PRKCD: variants seen among roughly 807,000 people sequenced by gnomAD.
PRKCD encodes the protein protein kinase C delta.
Under a neutral mutation model 82.2 loss-of-function variants are expected in PRKCD, and 20 were observed. The observed-to-expected ratio is 0.24, with a 90% CI of 0.17 to 0.35. The LOEUF is 0.35. PRKCD is among the 10% of genes least tolerant of loss of function. PRKCD has a pLI of 1.00. For missense variants in PRKCD, 607 were observed against 899.0 expected, an observed-to-expected ratio of 0.68 and a Z score of 4.15; for synonymous variants, 317 against 337.0, an observed-to-expected ratio of 0.94 and a Z score of 0.65.
chr3:53,170,527 G>A (rs952467014), intron 2 of PRKCD, among the ~76,000 whole-genome samples: 1 of 152,222 alleles, frequency 6.6e-6, no homozygotes, highest in Non-Finnish European at 1.5e-5. Flanking sequence ...GTGGGCGGGC[G>A]GGCGGAGGCC....
rs1553668177 is a variant in PRKCD at position 53,183,224 on chromosome 3, G to T, written c.657+18G>T. On this transcript the variant is annotated intron_variant, in intron 8 of 18. Coordinates refer to ENST00000330452, the MANE Select transcript of PRKCD (RefSeq NM_006254.4). ...ACACTATAGTGAGCCTGGGTCCGGG[G>T]CAGGGCTGGGGATCTGGGGGGCTTG... is the stretch of plus-strand genomic sequence containing the variant. 2 of 1,612,830 alleles carry T rather than the reference G, an allele frequency of 1.2e-6. No individual in the cohort carries two copies. The highest frequency in any genetic ancestry group is 1.7e-6 in the Non-Finnish European group (2 of 1,179,170).
Position 53,186,672 on chromosome 3 carries a change from C to T in PRKCD, c.1329C>T (p.Gly443=), listed in dbSNP as rs1018675596. The change falls in exon 14 of 19, where the codon GGC becomes GGT. Residue 443 remains glycine, a synonymous_variant. Coordinates refer to ENST00000330452, the MANE Select transcript of PRKCD (RefSeq NM_006254.4). ...TGATGTACCACATCCAGGACAAAGG[C>T]CGCTTTGAACTCTACCGTGCCACGT... ...GDLMYHIQDK[G]RFELYRATFY... The T allele has an allele frequency of 1.9e-6, 3 of 1,613,948 alleles. No homozygotes were observed. Among genetic ancestry groups the T allele is most frequent in the Non-Finnish European group, 2.5e-6 (3 of 1,179,848 alleles).
At position 53,181,624 on chromosome 3, in the gene PRKCD, C is replaced by T. The variant is rs1211307079; in HGVS notation, c.539+18C>T. On this transcript the variant is annotated intron_variant, in intron 6 of 18. Coordinates refer to ENST00000330452, the MANE Select transcript of PRKCD (RefSeq NM_006254.4). ...TTTGTCTGGTGAGAACCGGCCATGC[C>T]CACTGGTGGTGGTGCAGGGTAGTGG... The T allele has an allele frequency of 6.2e-7, 1 of 1,614,146 alleles. No homozygotes were observed. Among genetic ancestry groups the T allele is most frequent in the East Asian group, 2.2e-5 (1 of 44,876 alleles).
At chr3:53,164,138 T>G (rs570719940) in intron 1 of PRKCD, among the ~76,000 whole-genome samples, 1 of 152,292 alleles carries the variant, frequency 6.6e-6, no homozygotes, top group Admixed American at 6.5e-5. Context: ...GAGAAAATGC[T>G]TAGGCCTTTC....
chr3:53,181,161 C>T (rs1553667352), intron 4 of PRKCD, 46 bp from the exon 5 acceptor site: 1 of 1,598,626 alleles, frequency 6.3e-7, no homozygotes, highest in Non-Finnish European at 8.5e-7. Flanking sequence ...CTGGCCCAGG[C>T]TGCCCTCACT....
intron 3 of PRKCD, 93 bp downstream of exon 3, chr3:53,178,630 T>C (rs1703307459): frequency 9.7e-7 from 1 of 1,032,910 alleles, no homozygotes; most frequent in African/African-American, 1.6e-5. Context: ...CTGCAACCTC[T>C]GAAGGATTCT....
At chr3:53,186,062 C>T in intron 12 of PRKCD, 35 bp downstream of exon 12, 1 of 1,612,560 alleles carries the variant, frequency 6.2e-7, no homozygotes, top group Non-Finnish European at 8.5e-7. Flanking sequence ...GCTTCCCACC[C>T]CACCCTGGCT....
At chr3:53,187,924 C>T (rs1487228330) in intron 15 of PRKCD, among the ~76,000 whole-genome samples, 3 of 152,130 alleles carry the variant, frequency 2.0e-5, no homozygotes, top group African/African-American at 7.2e-5. Flanking sequence ...CGATGGCTCA[C>T]GCCTGTAATC....
intron 2 of PRKCD, among the ~76,000 whole-genome samples, chr3:53,171,688 T>A (rs1471814267): frequency 3.3e-5 from 5 of 152,210 alleles, no homozygotes; most frequent in Non-Finnish European, 7.3e-5. Flanking sequence ...CCTTCTGAGC[T>A]GCCTGGAAGG....
At chr3:53,167,327 G>A (rs1702867042) in intron 2 of PRKCD, among the ~76,000 whole-genome samples, 1 of 152,206 alleles carries the variant, frequency 6.6e-6, no homozygotes, top group Non-Finnish European at 1.5e-5. Context: ...GGGGGCTCTA[G>A]GAGAAGGGCA....
chr3:53,171,073 T>C (rs868953054), intron 2 of PRKCD, among the ~76,000 whole-genome samples: 1 of 152,094 alleles, frequency 6.6e-6, no homozygotes, highest in Non-Finnish European at 1.5e-5. Context: ...GGTTGGCGAG[T>C]GTGCCTGTGT....
In PRKCD at chr3:53,180,845, C is replaced by T. The variant is rs200696494; in HGVS notation, c.316-362C>T. 6.4e-4 allele frequency among the ~76,000 whole-genome samples: 97 copies of T among 152,298 alleles called. 1 individual carries two copies. The East Asian group carries it at 0.017, about 27-fold the overall frequency. On this transcript the variant is annotated intron_variant, in intron 4 of 18. Coordinates refer to ENST00000330452, the MANE Select transcript of PRKCD (RefSeq NM_006254.4). Reference sequence around the variant, plus strand: ...GATGAGTGTGTCTGTGTGTCTGTCTCTCTCCGCATGTGCACACGGGTAGGG... The same window carrying T: ...GATGAGTGTGTCTGTGTGTCTGTCTTTCTCCGCATGTGCACACGGGTAGGG...
At chr3:53,179,426 GTAGT>G in intron 3 of PRKCD, 147 bp from the exon 4 acceptor site, 1 of 970,662 alleles carries the variant, frequency 1.0e-6, no homozygotes. Flanking sequence ...GGTGCCCAAG[GTAGT>G]TCTGTGCTCT....
chr3:53,182,216 T>A (rs1326180902), intron 7 of PRKCD, among the ~76,000 whole-genome samples: 6 of 152,116 alleles, frequency 3.9e-5, no homozygotes, highest in Non-Finnish European at 7.4e-5. Flanking sequence ...ACTTCCTAGC[T>A]ATAGGGCCTT....
Position 53,183,483 on chromosome 3 carries a change from C to T in PRKCD, c.689C>T (p.Pro230Leu), listed in dbSNP as rs1178121978. 2 of 1,614,106 alleles carry T rather than the reference C, an allele frequency of 1.2e-6. No homozygotes were observed. The highest frequency in any genetic ancestry group is 1.7e-6 in the Non-Finnish European group (2 of 1,180,034). ...FQKERFNIDM[P>L]HRFKVHNYMS... The stretch of plus-strand genomic sequence containing the variant: ...AAAGAACGCTTCAACATCGACATGC[C>T]GCACCGCTTCAAGGTTCACAACTAC... Residue 230 changes from proline (P) to leucine (L), a missense_variant, in exon 9 of 19, where the codon CCG becomes CTG. Physicochemically the swap from Pro to Leu is moderately conservative, Grantham distance 98. Coordinates refer to ENST00000330452, the MANE Select transcript of PRKCD (RefSeq NM_006254.4).
chr3:53,166,095 C>T (rs781886736), intron 2 of PRKCD, among the ~76,000 whole-genome samples: 1 of 152,168 alleles, frequency 6.6e-6, no homozygotes, highest in African/African-American at 2.4e-5. Flanking sequence ...ACAGCCAACC[C>T]TACTGGCTGT....
intron 2 of PRKCD, 118 bp from the exon 3 acceptor site, chr3:53,178,286 T>C (rs1172657979): frequency 1.7e-6 from 1 of 601,030 alleles, no homozygotes. Context: ...TGTGTGTGCA[T>C]CATGTGGGCC....
chr3:53,185,555 T>A (rs1553668791), intron 10 of PRKCD, 49 bp from the exon 11 acceptor site: 2 of 1,509,800 alleles, frequency 1.3e-6, no homozygotes, highest in South Asian at 2.3e-5. Flanking sequence ...GGCTGGGAGT[T>A]CTGATAATGG....
At chr3:53,164,723 T>A (rs1702779409) in intron 1 of PRKCD, among the ~76,000 whole-genome samples, 1 of 151,818 alleles carries the variant, frequency 6.6e-6, no homozygotes, top group South Asian at 2.1e-4. Context: ...AAACTGAGGC[T>A]CAGGGAAATT....
Sources: allele counts gnomAD v4.1 joint callset (sites outside exome capture counted in the v4.1 genomes callset), GRCh38; gene constraint gnomAD v4.1.1; transcripts MANE v1.5; gene names NCBI Gene and HGNC (gene_info 2026-07-23, HGNC 2026-07-21).